PPP2R2B: variants seen among roughly 807,000 people sequenced by gnomAD.
The protein encoded by PPP2R2B is protein phosphatase 2 regulatory subunit Bbeta, also known as serine/threonine-protein phosphatase 2A 55 kDa regulatory subunit B beta isoform.
Under a neutral mutation model 46.0 loss-of-function variants are expected in PPP2R2B, and 5 were observed. The observed-to-expected ratio is 0.11, with a 90% CI of 0.06 to 0.23. The LOEUF (loss-of-function observed/expected upper bound fraction) is 0.23. Ranked by LOEUF, PPP2R2B falls within the 10% of genes least tolerant of loss-of-function variation. PPP2R2B has a pLI of 1.00. For missense variants in PPP2R2B, 367 were observed against 575.0 expected, an observed-to-expected ratio of 0.64 and a Z score of 3.70; for synonymous variants, 215 against 206.7, an observed-to-expected ratio of 1.04 and a Z score of -0.34.
At chr5:146,944,580 A>C (rs1157686191) in intron 1 of PPP2R2B, among the ~76,000 whole-genome samples, 1 of 152,098 alleles carries the variant, frequency 6.6e-6, no homozygotes, top group African/African-American at 2.4e-5. Context: ...CTGAGAAAGC[A>C]GAATTGTGTC....
chr5:146,962,484 C>A (rs1752216897), intron 1 of PPP2R2B, among the ~76,000 whole-genome samples: 1 of 151,614 alleles, frequency 6.6e-6, no homozygotes, highest in African/African-American at 2.4e-5. Flanking sequence ...TGGTGAAACC[C>A]CGTCTCTACT....
chr5:146,799,213 T>G (rs1222635534), intron 2 of PPP2R2B, among the ~76,000 whole-genome samples: 1 of 152,232 alleles, frequency 6.6e-6, no homozygotes, highest in African/African-American at 2.4e-5. Context: ...ATATTTCTCC[T>G]TGTCTTTGAC....
Position 146,816,431 on chromosome 5 carries a change from A to T in PPP2R2B, c.70+61571T>A, listed in dbSNP as rs1049909905. On this transcript the variant is annotated intron_variant, in intron 2 of 9. Transcript: ENST00000394411. ...ACAATACTGAAACATTTTGGAAAAG[A>T]TCCAAATATATGACAATAGAAATTT... is the stretch of plus-strand genomic sequence containing the variant. Among the ~76,000 whole-genome samples, 4 of 152,332 alleles carry T rather than the reference A, an allele frequency of 2.6e-5. No homozygotes were observed. The East Asian group carries it at 5.8e-4, about 22-fold the overall frequency.
At chr5:146,591,945 G>A (rs967295823) in intron 9 of PPP2R2B, 36 of 266,918 alleles carry the variant, frequency 1.3e-4, no homozygotes, top group Middle Eastern at 2.9e-3. Context: ...TTGGTATATA[G>A]TAGGTGCCTA....
At chr5:146,809,680 G>A (rs1328986558) in intron 2 of PPP2R2B, among the ~76,000 whole-genome samples, 1 of 152,198 alleles carries the variant, frequency 6.6e-6, no homozygotes, top group Admixed American at 6.5e-5. Context: ...CAGATCTTGC[G>A]AGGTGAGTCT....
chr5:146,876,420 C>T (rs1582334493), intron 2 of PPP2R2B, among the ~76,000 whole-genome samples: 1 of 99,460 alleles, frequency 1.0e-5, no homozygotes, highest in African/African-American at 4.3e-5. Context: ...AGGCAGCTCT[C>T]TTTCTTTGTG....
chr5:146,777,031 A>C (rs1182039872), intron 2 of PPP2R2B, among the ~76,000 whole-genome samples: 2 of 152,230 alleles, frequency 1.3e-5, no homozygotes, highest in Admixed American at 1.3e-4. Context: ...TGGAATCCCC[A>C]CACATTGCTG....
intron 2 of PPP2R2B, among the ~76,000 whole-genome samples, chr5:146,721,399 C>T (rs1780788039): frequency 6.6e-6 from 1 of 152,172 alleles, no homozygotes; most frequent in Admixed American, 6.5e-5. Context: ...TTTTGTGAAA[C>T]ATCCAGAGGC....
At chr5:146,635,739 A>G (rs1324309042) in intron 7 of PPP2R2B, among the ~76,000 whole-genome samples, 1 of 152,154 alleles carries the variant, frequency 6.6e-6, no homozygotes, top group Non-Finnish European at 1.5e-5. Flanking sequence ...AGAGTTAGAG[A>G]CTTTCCATCC....
rs771068110 is a variant in PPP2R2B at position 146,650,623 on chromosome 5, G to A, written c.549C>T (p.Ser183=). The change falls in exon 6 of 10, where the codon AGC becomes AGT. Residue 183 remains serine (S), a synonymous_variant. Coordinates refer to ENST00000394411, the MANE Select transcript of PPP2R2B (RefSeq NM_181675.4). ...TYHINSISVN[S]DYETYMSADD... ...CAGCGGACATGTAGGTTTCATAGTCGCTGTTGACAGATATGGAGTTGATGT... is the reference window on the plus strand; with the variant it reads ...CAGCGGACATGTAGGTTTCATAGTCACTGTTGACAGATATGGAGTTGATGT... The A allele has an allele frequency of 1.1e-5, 18 of 1,613,866 alleles. No homozygotes were observed. The highest frequency in any genetic ancestry group is 1.1e-4 in the East Asian group (5 of 44,866).
At chr5:146,917,036 T>C (rs1340162800) in intron 1 of PPP2R2B, among the ~76,000 whole-genome samples, 1 of 152,188 alleles carries the variant, frequency 6.6e-6, no homozygotes, top group African/African-American at 2.4e-5. Flanking sequence ...TAATCAGGCC[T>C]TAAGTGAAGG....
chr5:146,650,502 C>T (rs760501293), intron 6 of PPP2R2B, 45 bp downstream of exon 6: 4 of 1,565,436 alleles, frequency 2.6e-6, no homozygotes, highest in Non-Finnish European at 3.5e-6. Flanking sequence ...CACCTGAATA[C>T]TCTTAATTCA....
intron 3 of PPP2R2B, among the ~76,000 whole-genome samples, chr5:146,700,585 C>G (rs1779474738): frequency 6.6e-6 from 1 of 152,110 alleles, no homozygotes; most frequent in African/African-American, 2.4e-5. Context: ...CCTTTTACCC[C>G]CTTAGGTGAG....
intron 2 of PPP2R2B, among the ~76,000 whole-genome samples, chr5:146,729,197 T>C (rs1581968543): frequency 6.6e-6 from 1 of 152,234 alleles, no homozygotes; most frequent in African/African-American, 2.4e-5. Context: ...GTGACTCTTG[T>C]TATGTTTTAG....
chr5:146,837,748 C>A (rs1759378564), intron 2 of PPP2R2B, among the ~76,000 whole-genome samples: 1 of 152,088 alleles, frequency 6.6e-6, no homozygotes, highest in Non-Finnish European at 1.5e-5. Flanking sequence ...ACACTTTCAG[C>A]ATATCTCAAA....
intron 1 of PPP2R2B, among the ~76,000 whole-genome samples, chr5:146,895,568 T>C (rs780645385): frequency 6.6e-6 from 1 of 152,224 alleles, no homozygotes; most frequent in Non-Finnish European, 1.5e-5. Context: ...CATCACCGTG[T>C]ACATGCATAG....
intron 2 of PPP2R2B, among the ~76,000 whole-genome samples, chr5:147,077,307 CACA>C (rs1561616434): frequency 1.2e-3 from 169 of 138,834 alleles, no homozygotes; most frequent in South Asian, 1.6e-3. Context: ...CACACACACA[CACA>C]CCCACACCCA....
chr5:146,906,867 C>T (rs544189694), intron 1 of PPP2R2B, among the ~76,000 whole-genome samples: 1 of 152,334 alleles, frequency 6.6e-6, no homozygotes, highest in Admixed American at 6.5e-5. Flanking sequence ...ACATTTAAAA[C>T]TAGCACATTT....
At chr5:146,764,840 ACACACG>A (rs931965479) in intron 2 of PPP2R2B, among the ~76,000 whole-genome samples, 3 of 152,132 alleles carry the variant, frequency 2.0e-5, no homozygotes, top group East Asian at 1.9e-4. Context: ...ACACGCACAC[ACACACG>A]CACACGCACA....
Sources: allele counts gnomAD v4.1 joint callset (sites outside exome capture counted in the v4.1 genomes callset), GRCh38; gene constraint gnomAD v4.1.1; transcripts MANE v1.5; gene names NCBI Gene and HGNC (gene_info 2026-07-23, HGNC 2026-07-21).